MMRN1: variants seen among roughly 807,000 people sequenced by gnomAD.
MMRN1 encodes the protein multimerin-1.
MMRN1 carries 94 observed loss-of-function variants against 100.7 expected under a neutral mutation model. The observed-to-expected ratio is 0.93, with a 90% CI of 0.79 to 1.11. MMRN1 has a LOEUF of 1.11. Ranked by LOEUF, MMRN1 falls within the 50% of genes least tolerant of loss-of-function variation. The pLI, the probability that MMRN1 is intolerant of heterozygous loss-of-function variation, is 0.00. For synonymous variants in MMRN1, 575 were observed against 505.0 expected (o/e 1.14, Z -1.86); for missense variants, 1,606 against 1,439.1 (o/e 1.12, Z -1.88).
rs141302160 is a variant in MMRN1 at position 89,881,664 on chromosome 4, A to T, written c.-249+2062A>T. Reference sequence around the variant, plus strand: ...ATGGAAGAAGTCTTTTCTAGTCAGTACTGTTACTACAGCTCTGGTATTGAT... The same window carrying T: ...ATGGAAGAAGTCTTTTCTAGTCAGTTCTGTTACTACAGCTCTGGTATTGAT... On this transcript the variant is annotated intron_variant, in intron 1 of 8. Transcript: ENST00000394980. Among the ~76,000 whole-genome samples, 72 of 151,958 alleles carry T rather than the reference A, an allele frequency of 4.7e-4. 1 individual carries two copies. The East Asian group carries it at 0.013, about 27-fold the overall frequency.
intron 1 of MMRN1, among the ~76,000 whole-genome samples, chr4:89,889,320 A>G (rs1560576753): frequency 6.6e-6 from 1 of 152,142 alleles, no homozygotes; most frequent in African/African-American, 2.4e-5. Flanking sequence ...AAATTAAGAC[A>G]CAGAATTATG....
intron 1 of MMRN1, among the ~76,000 whole-genome samples, chr4:89,897,527 G>A (rs1013028781): frequency 6.6e-6 from 1 of 151,870 alleles, no homozygotes; most frequent in African/African-American, 2.4e-5. Flanking sequence ...TAATAGAAAG[G>A]GAAATATAAT....
chr4:89,923,015 T>C (rs1279448478), intron 3 of MMRN1, among the ~76,000 whole-genome samples, 153 bp from the exon 4 acceptor site: 1 of 152,172 alleles, frequency 6.6e-6, no homozygotes, highest in Non-Finnish European at 1.5e-5. Flanking sequence ...TGCCCTATGG[T>C]TGGGGGCGGA....
chr4:89,906,614 A>C (rs1025925014), intron 1 of MMRN1, among the ~76,000 whole-genome samples: 2 of 151,534 alleles, frequency 1.3e-5, no homozygotes, highest in African/African-American at 2.4e-5. Flanking sequence ...ATTTGCCTTT[A>C]AACTGCCCAT....
At chr4:89,925,708 T>C (rs1316286361) in intron 4 of MMRN1, among the ~76,000 whole-genome samples, 1 of 151,958 alleles carries the variant, frequency 6.6e-6, no homozygotes, top group African/African-American at 2.4e-5. Flanking sequence ...CATGCACCTG[T>C]AGTCCCAGCT....
chr4:89,924,161 A>G lies in MMRN1; in HGVS notation c.955+889A>G, dbSNP rs3775480. On this transcript the variant is annotated intron_variant, in intron 4 of 7. Transcript: ENST00000264790. ...TCTCAGAACATAGCTACAACTACAT[A>G]CATATATCTAGCTGCATATTTTAAA... is the stretch of plus-strand genomic sequence containing the variant. 1.5e-4 allele frequency among the ~76,000 whole-genome samples: 23 copies of G among 152,316 alleles called. No individual in the cohort carries two copies. In the East Asian group the frequency reaches 4.0e-3, roughly 27 times the overall value.
Position 89,903,849 on chromosome 4 carries a change from A to T in MMRN1, c.624-5427A>T, listed in dbSNP as rs1244967879. 2.0e-5 allele frequency among the ~76,000 whole-genome samples: 3 copies of T among 149,972 alleles called. No homozygotes were observed. In the Admixed American group the frequency reaches 2.0e-4, roughly 10 times the overall value. On this transcript the variant is annotated intron_variant, in intron 1 of 7. Transcript: ENST00000264790. ...TTTCTTTATTTTCTTTTGCTTATGC[A>T]GATGTGCCCACTGCCCCCACCCCTC...
Position 89,934,836 on chromosome 4 carries a change from C to T in MMRN1, c.1156C>T (p.Leu386=). The stretch of plus-strand genomic sequence containing the variant: ...TCTAAAATCCAAAAGCATTAATGTA[C>T]TGATAAGAGACATAGTAAGAGAACA... ...KGLKSKSINV[L]IRDIVREQFK... is the part of the protein sequence containing the mutation. Residue 386 remains leucine (L), a synonymous_variant, in exon 6 of 8, where the codon CTG becomes TTG. Coordinates refer to ENST00000264790, the MANE Select transcript of MMRN1 (RefSeq NM_007351.3). The T allele has an allele frequency of 6.5e-7, 1 of 1,537,378 alleles. No homozygotes were observed. The highest frequency in any genetic ancestry group is 8.7e-7 in the Non-Finnish European group (1 of 1,143,420).
chr4:89,892,871 A>C (rs114657703), upstream of MMRN1, among the ~76,000 whole-genome samples: 874 of 152,204 alleles, frequency 5.7e-3, 3 homozygotes, highest in African/African-American at 0.02. Flanking sequence ...AAACTGTAGA[A>C]GAAAACAAAA....
intron 1 of MMRN1, among the ~76,000 whole-genome samples, chr4:89,880,326 A>G (rs948271633): frequency 2.0e-5 from 3 of 152,252 alleles, no homozygotes; most frequent in South Asian, 2.1e-4. Context: ...ACTATGTCAC[A>G]AGAGTTTTAG....
upstream of MMRN1, among the ~76,000 whole-genome samples, chr4:89,889,964 C>T (rs1293793523): frequency 6.6e-6 from 1 of 152,044 alleles, no homozygotes; most frequent in Non-Finnish European, 1.5e-5. Context: ...GAGGACCTTT[C>T]CTCCAAAGTC....
intron 3 of MMRN1, among the ~76,000 whole-genome samples, chr4:89,922,839 GCGGATTTAAAAATCC>G (rs1162298790): frequency 6.6e-6 from 1 of 152,102 alleles, no homozygotes; most frequent in Non-Finnish European, 1.5e-5. Flanking sequence ...TTTTAACACA[GCGGATTTAAAAATCC>G]CCTCAATTAT....
intron 5 of MMRN1, among the ~76,000 whole-genome samples, chr4:89,932,945 T>C (rs558921661): frequency 1.6e-3 from 251 of 152,314 alleles, no homozygotes; most frequent in South Asian, 7.2e-3. Context: ...AGGTTTTTTT[T>C]CTTTTCTATT....
intron 1 of MMRN1, 97 bp from the exon 2 acceptor site, chr4:89,909,179 T>C: frequency 1.5e-6 from 2 of 1,317,534 alleles, no homozygotes; most frequent in Admixed American, 2.2e-5. Context: ...TGATCTATAG[T>C]ATGGCAAAAA....
At chr4:89,946,462 T>C in intron 6 of MMRN1, among the ~76,000 whole-genome samples, 1 of 152,296 alleles carries the variant, frequency 6.6e-6, no homozygotes, top group Non-Finnish European at 1.5e-5. Context: ...AATAAAAGTA[T>C]ATGATAGATA....
chr4:89,909,150 A>G (rs1721660147), intron 1 of MMRN1, 126 bp from the exon 2 acceptor site: 2 of 898,514 alleles, frequency 2.2e-6, no homozygotes, highest in South Asian at 4.1e-5. Context: ...AAAGCTAAAT[A>G]GCAATCTTAC....
intron 6 of MMRN1, among the ~76,000 whole-genome samples, chr4:89,946,394 GA>G (rs1413058452): frequency 6.6e-6 from 1 of 152,112 alleles, no homozygotes; most frequent in African/African-American, 2.4e-5. Context: ...TTTACATGAA[GA>G]AATTAAGATT....
At chr4:89,924,512 A>AT (rs1436865361) in intron 4 of MMRN1, among the ~76,000 whole-genome samples, 1 of 151,398 alleles carries the variant, frequency 6.6e-6, no homozygotes, top group African/African-American at 2.4e-5. Flanking sequence ...AATTTAAGTG[A>AT]TTTTTAAATA....
chr4:89,924,712 T>G (rs1722193093), intron 4 of MMRN1, among the ~76,000 whole-genome samples: 2 of 151,808 alleles, frequency 1.3e-5, no homozygotes, highest in Non-Finnish European at 2.9e-5. Context: ...AACGTGGTGG[T>G]GTGTGCCTGT....
Sources: gnomAD v4.1 joint callset for allele counts (sites outside exome capture counted in the v4.1 genomes callset) on GRCh38, gnomAD v4.1.1 for gene constraint, MANE v1.5 for transcripts, NCBI Gene and HGNC (gene_info 2026-07-23, HGNC 2026-07-21) for gene names.